BICC1: variants seen among roughly 807,000 people sequenced by gnomAD.
BICC1 encodes the protein BicC family RNA binding protein 1, also known as protein bicaudal C homolog 1.
In BICC1, 43 loss-of-function variants were observed where a neutral mutation model predicts 111.0. The observed-to-expected ratio is 0.39, with a 90% CI of 0.30 to 0.50. The LOEUF (loss-of-function observed/expected upper bound fraction) is 0.50. Ranked by LOEUF, BICC1 falls within the 20% of genes least tolerant of loss-of-function variation. BICC1 has a pLI of 0.88. For missense variants in BICC1, 1,091 were observed against 1,203.2 expected (o/e 0.91, Z 1.38); for synonymous variants, 467 against 434.4 (o/e 1.07, Z -0.93).
rs571670239 is a variant in BICC1, at chr10:58,687,987, C to T, written c.238-14087C>T. Among the ~76,000 whole-genome samples, 9 of 152,158 alleles carry T rather than the reference C, an allele frequency of 5.9e-5. No homozygotes were observed. The South Asian group carries it at 1.9e-3, about 32-fold the overall frequency. Reference sequence around the variant, plus strand: ...TTCCTATTTGGCCATCTTGGAACCTCCCCCGAGTGTTACAGCTCTTAAAGG... The same window carrying T: ...TTCCTATTTGGCCATCTTGGAACCTTCCCCGAGTGTTACAGCTCTTAAAGG... On this transcript the variant is annotated intron_variant, in intron 2 of 20. Coordinates refer to ENST00000373886, the MANE Select transcript of BICC1 (RefSeq NM_001080512.3).
At chr10:58,679,609 A>G (rs1433230996) in intron 2 of BICC1, among the ~76,000 whole-genome samples, 1 of 152,254 alleles carries the variant, frequency 6.6e-6, no homozygotes, top group Non-Finnish European at 1.5e-5. Context: ...CCAGAGGTAC[A>G]AAGAGGAGCT....
At chr10:58,652,919 T>G (rs6481418) in intron 2 of BICC1, among the ~76,000 whole-genome samples, 150,153 of 152,224 alleles carry the variant, frequency 0.99, 74,086 homozygotes, top group Middle Eastern at 1. Context: ...TTAGTAGAAG[T>G]CTTCACAGCT....
intron 17 of BICC1, among the ~76,000 whole-genome samples, chr10:58,812,905 T>C (rs1168455287): frequency 6.6e-6 from 1 of 152,134 alleles, no homozygotes; most frequent in Admixed American, 6.6e-5. Flanking sequence ...GAAGAGATCC[T>C]AGGACCAGGT....
At chr10:58,557,539 A>AT (rs909629593) in intron 1 of BICC1, among the ~76,000 whole-genome samples, 37 of 151,734 alleles carry the variant, frequency 2.4e-4, no homozygotes, top group African/African-American at 8.2e-4. Flanking sequence ...GTTCTATTCA[A>AT]TTTTTTCCAG....
At chr10:58,598,077 T>C (rs1237467589) in intron 1 of BICC1, among the ~76,000 whole-genome samples, 1 of 152,044 alleles carries the variant, frequency 6.6e-6, no homozygotes, top group Non-Finnish European at 1.5e-5. Context: ...CTGATAAATG[T>C]CCATGAAATC....
At chr10:58,609,199 A>G (rs1402911026) in intron 1 of BICC1, among the ~76,000 whole-genome samples, 1 of 152,290 alleles carries the variant, frequency 6.6e-6, no homozygotes, top group South Asian at 2.1e-4. Context: ...TTAATGTTAC[A>G]TATTTTATTC....
Position 58,715,359 on chromosome 10 carries a change from T to A in BICC1, c.307+13216T>A, listed in dbSNP as rs187506547. Among the ~76,000 whole-genome samples the A allele has an allele frequency of 2.8e-4, 42 of 152,320 alleles. No homozygotes were observed. In the East Asian group the frequency reaches 8.1e-3, roughly 29 times the overall value. ...TGCGTGTTTTTGGCTCTGTGATCTA[T>A]GCAAATAGTTATGTATTAACTCATT... On this transcript the variant is annotated intron_variant, in intron 3 of 20. Coordinates refer to ENST00000373886, the MANE Select transcript of BICC1 (RefSeq NM_001080512.3).
chr10:58,561,968 T>C (rs919286047), intron 1 of BICC1, among the ~76,000 whole-genome samples: 1 of 152,152 alleles, frequency 6.6e-6, no homozygotes, highest in Non-Finnish European at 1.5e-5. Context: ...GCTGGTAGCA[T>C]TTCTGCTGAT....
chr10:58,547,988 T>C lies in BICC1; in HGVS notation c.190+34655T>C, dbSNP rs575679939. On this transcript the variant is annotated intron_variant, in intron 1 of 20. Transcript: ENST00000373886. The stretch of plus-strand genomic sequence containing the variant: ...AACCAAGATCTGCTATGCTCATTGC[T>C]ACTGGGATGTGTTGCTTCTAGGCTC... 1.3e-4 allele frequency among the ~76,000 whole-genome samples: 20 copies of C among 152,334 alleles called. No homozygotes were observed. In the South Asian group the frequency reaches 3.9e-3, roughly 30 times the overall value.
rs775998727 is a variant in BICC1 at position 58,648,584 on chromosome 10, CCTCT to C, written c.237+27694_237+27697del. Reference sequence around the variant, plus strand: ...GGAGGGAACAATGGTATGTTTAGTGCCTCTCTCTCTCTCTTTCTCTCTCTCTTTC... The same window carrying C: ...GGAGGGAACAATGGTATGTTTAGTGCCTCTCTCTCTTTCTCTCTCTCTTTC... On this transcript the variant is annotated intron_variant, in intron 2 of 20. Coordinates refer to ENST00000373886, the MANE Select transcript of BICC1 (RefSeq NM_001080512.3). 10 of 973,974 alleles carry C rather than the reference CCTCT, an allele frequency of 1.0e-5. No homozygotes were observed. The African/African-American group carries it at 1.6e-4, about 15-fold the overall frequency. The allele number at this position is 973,974 out of a possible 1,614,324, so 60.3% of individuals were successfully genotyped here. A position where few individuals can be genotyped will look rare whatever the true frequency, so the allele number is the denominator to read the frequency against.
At chr10:58,710,941 A>G (rs773464104) in intron 3 of BICC1, among the ~76,000 whole-genome samples, 2 of 152,022 alleles carry the variant, frequency 1.3e-5, no homozygotes, top group Non-Finnish European at 2.9e-5. Flanking sequence ...CTTGGCCTCC[A>G]TGACTTAAGT....
intron 3 of BICC1, among the ~76,000 whole-genome samples, chr10:58,743,584 G>A (rs1006454857): frequency 2.6e-5 from 4 of 151,650 alleles, no homozygotes; most frequent in Non-Finnish European, 1.5e-5. Context: ...GACAGCAGCT[G>A]TGAAAACATA....
intron 1 of BICC1, among the ~76,000 whole-genome samples, chr10:58,542,950 A>G (rs1193643535): frequency 2.0e-5 from 3 of 152,108 alleles, no homozygotes; most frequent in African/African-American, 7.2e-5. Flanking sequence ...ACTAGGGAAA[A>G]TGATATAGAG....
At chr10:58,703,952 T>C (rs1015425849) in intron 3 of BICC1, among the ~76,000 whole-genome samples, 1 of 147,352 alleles carries the variant, frequency 6.8e-6, no homozygotes, top group African/African-American at 2.5e-5. Flanking sequence ...CCTCTCCCCA[T>C]GCCATTATCC....
chr10:58,530,043 G>T (rs1589066660), intron 1 of BICC1, among the ~76,000 whole-genome samples: 3 of 151,794 alleles, frequency 2.0e-5, no homozygotes, highest in South Asian at 2.1e-4. Flanking sequence ...CAAAAATCAT[G>T]AGTGCATATT....
At chr10:58,604,605 G>T (rs1284773336) in intron 1 of BICC1, among the ~76,000 whole-genome samples, 2 of 152,184 alleles carry the variant, frequency 1.3e-5, no homozygotes, top group Non-Finnish European at 2.9e-5. Context: ...AGCTTGCAGT[G>T]AGCTGAGATC....
chr10:58,629,209 T>G (rs1038906313), intron 2 of BICC1, among the ~76,000 whole-genome samples: 1 of 152,182 alleles, frequency 6.6e-6, no homozygotes, highest in African/African-American at 2.4e-5. Context: ...ACTTTAAGCT[T>G]TACTGATTTA....
chr10:58,658,445 C>T (rs1394977886), intron 2 of BICC1, among the ~76,000 whole-genome samples: 3 of 152,056 alleles, frequency 2.0e-5, no homozygotes, highest in Admixed American at 2.0e-4. Flanking sequence ...GCTTGGCTTC[C>T]CAAAGTGCTG....
intron 18 of BICC1, among the ~76,000 whole-genome samples, chr10:58,817,279 C>T (rs1844123164): frequency 6.6e-6 from 1 of 152,108 alleles, no homozygotes; most frequent in South Asian, 2.1e-4. Context: ...TCTGACTACT[C>T]AGGGAGAATA....
Sources: gnomAD v4.1 joint callset for allele counts (sites outside exome capture counted in the v4.1 genomes callset) on GRCh38, gnomAD v4.1.1 for gene constraint, MANE v1.5 for transcripts, NCBI Gene and HGNC (gene_info 2026-07-23, HGNC 2026-07-21) for gene names.